CHST11: variants seen among roughly 807,000 people sequenced by gnomAD.
CHST11 encodes the protein C4S-1.
CHST11 carries 9 observed loss-of-function variants against 30.4 expected under a neutral mutation model. The observed-to-expected ratio is 0.30, with a 90% confidence interval of 0.18 to 0.52. The LOEUF (loss-of-function observed/expected upper bound fraction) is 0.52. Ranked by LOEUF, CHST11 falls within the 20% of genes least tolerant of loss-of-function variation. The pLI, the probability that CHST11 is intolerant of heterozygous loss-of-function variation, is 0.97. For missense variants in CHST11, 348 were observed against 460.6 expected (o/e 0.76, Z 2.24); for synonymous variants, 152 against 187.8 (o/e 0.81, Z 1.56).
intron 2 of CHST11, among the ~76,000 whole-genome samples, chr12:104,746,584 TCTTC>T (rs774861250): frequency 6.6e-6 from 1 of 152,176 alleles, no homozygotes; most frequent in Non-Finnish European, 1.5e-5. Flanking sequence ...GCATTTTCCT[TCTTC>T]CTTTTGCCTT....
chr12:104,619,023 G>A (rs1252682960), intron 2 of CHST11, among the ~76,000 whole-genome samples: 1 of 152,204 alleles, frequency 6.6e-6, no homozygotes, highest in Non-Finnish European at 1.5e-5. Context: ...AATGGGCTGA[G>A]TCAATGCCTG....
chr12:104,722,039 C>T (rs543710937), intron 2 of CHST11, among the ~76,000 whole-genome samples: 4 of 152,028 alleles, frequency 2.6e-5, no homozygotes, highest in Admixed American at 6.6e-5. Flanking sequence ...CCCAAGCTGG[C>T]GTGCAGTGAT....
chr12:104,569,283 G>A (rs1342707227), intron 1 of CHST11, among the ~76,000 whole-genome samples: 9 of 152,158 alleles, frequency 5.9e-5, no homozygotes, highest in Non-Finnish European at 1.3e-4. Context: ...TACCGTCTTA[G>A]TTACTAGAGC....
intron 2 of CHST11, among the ~76,000 whole-genome samples, chr12:104,678,848 C>A (rs2039767117): frequency 6.6e-6 from 1 of 152,080 alleles, no homozygotes; most frequent in South Asian, 2.1e-4. Flanking sequence ...TCAAAACAGT[C>A]CTCAGGAGTG....
chr12:104,714,377 G>A (rs1046569852), intron 2 of CHST11, among the ~76,000 whole-genome samples: 1 of 152,088 alleles, frequency 6.6e-6, no homozygotes, highest in African/African-American at 2.4e-5. Flanking sequence ...GCTAGTAGAG[G>A]ACCATGGGAC....
intron 2 of CHST11, among the ~76,000 whole-genome samples, chr12:104,644,330 C>T (rs192530423): frequency 6.6e-6 from 1 of 152,336 alleles, no homozygotes; most frequent in Admixed American, 6.5e-5. Flanking sequence ...CTTATGATTC[C>T]ACTCGGTGGC....
At chr12:104,668,528 C>A (rs962565958) in intron 2 of CHST11, among the ~76,000 whole-genome samples, 1 of 152,160 alleles carries the variant, frequency 6.6e-6, no homozygotes, top group African/African-American at 2.4e-5. Context: ...TGAATACAGT[C>A]CCCATAAAGC....
intron 2 of CHST11, among the ~76,000 whole-genome samples, chr12:104,743,875 CTGCATTCGTT>C (rs2040368051): frequency 6.6e-6 from 1 of 152,184 alleles, no homozygotes; most frequent in Non-Finnish European, 1.5e-5. Flanking sequence ...GTTTTCTGTT[CTGCATTCGTT>C]TGCTAAGGAT....
intron 1 of CHST11, among the ~76,000 whole-genome samples, chr12:104,471,461 C>T (rs758275855): frequency 3.3e-5 from 5 of 152,158 alleles, no homozygotes; most frequent in Non-Finnish European, 2.9e-5. Context: ...CCCTTTTATA[C>T]CATGGCTAAA....
chr12:104,528,310 G>A (rs2038148592), intron 1 of CHST11, among the ~76,000 whole-genome samples: 1 of 152,218 alleles, frequency 6.6e-6, no homozygotes, highest in African/African-American at 2.4e-5. Context: ...TAGCCCAGCT[G>A]TGAGCAAGAA....
At chr12:104,604,938 AAG>A (rs1340172977) in intron 2 of CHST11, among the ~76,000 whole-genome samples, 1 of 152,178 alleles carries the variant, frequency 6.6e-6, no homozygotes, top group East Asian at 1.9e-4. Context: ...TTGTAATAAT[AAG>A]CCCCAAGCTA....
At chr12:104,457,775 AG>A (rs1311219310) in intron 1 of CHST11, among the ~76,000 whole-genome samples, 2 of 128,418 alleles carry the variant, frequency 1.6e-5, no homozygotes, top group Non-Finnish European at 3.4e-5. Flanking sequence ...TGGGACCAGG[AG>A]GGGCGGTAGT....
intron 1 of CHST11, among the ~76,000 whole-genome samples, chr12:104,557,292 A>G (rs1368129193): frequency 6.6e-6 from 1 of 152,168 alleles, no homozygotes; most frequent in South Asian, 2.1e-4. Context: ...GCACCTGGGA[A>G]CAGGGCTCCT....
chr12:104,578,567 C>T (rs187115387), intron 1 of CHST11, among the ~76,000 whole-genome samples: 2 of 152,048 alleles, frequency 1.3e-5, no homozygotes, highest in African/African-American at 4.8e-5. Flanking sequence ...GATGACAGCA[C>T]GAGTTGAAAA....
At chr12:104,697,287 G>A (rs1258532466) in intron 2 of CHST11, among the ~76,000 whole-genome samples, 2 of 152,224 alleles carry the variant, frequency 1.3e-5, no homozygotes, top group Admixed American at 6.5e-5. Flanking sequence ...TTATTTCTGG[G>A]TGTGTCTGTG....
chr12:104,550,117 G>A (rs897079610), intron 1 of CHST11, among the ~76,000 whole-genome samples: 1 of 152,166 alleles, frequency 6.6e-6, no homozygotes, highest in Admixed American at 6.5e-5. Context: ...TGGCTGTGCC[G>A]AGTTGATGTC....
chr12:104,482,562 C>T (rs879424766), intron 1 of CHST11, among the ~76,000 whole-genome samples: 5 of 152,146 alleles, frequency 3.3e-5, no homozygotes, highest in Non-Finnish European at 7.4e-5. Flanking sequence ...AGAACTCCAA[C>T]GTGGTTCTGC....
intron 2 of CHST11, among the ~76,000 whole-genome samples, chr12:104,721,455 C>T (rs1366871597): frequency 6.6e-6 from 1 of 152,186 alleles, no homozygotes; most frequent in East Asian, 1.9e-4. Context: ...GTTCATGTAT[C>T]TCTGTGCCTC....
intron 2 of CHST11, among the ~76,000 whole-genome samples, chr12:104,701,615 A>T (rs2039991083): frequency 6.6e-6 from 1 of 152,234 alleles, no homozygotes; most frequent in Non-Finnish European, 1.5e-5. Flanking sequence ...CATTGAGCAG[A>T]CTAGCAGGAT....
Sources: allele counts gnomAD v4.1 joint callset (sites outside exome capture counted in the v4.1 genomes callset), GRCh38; gene constraint gnomAD v4.1.1; transcripts MANE v1.5; gene names NCBI Gene and HGNC (gene_info 2026-07-23, HGNC 2026-07-21).